The following GRIK3 variants were observed in gnomAD, a reference collection of about 807,000 sequenced individuals.
GRIK3 encodes the protein glutamate ionotropic receptor kainate type subunit 3.
GRIK3 carries 29 observed loss-of-function variants against 102.5 expected under a neutral mutation model. The ratio of observed to expected loss-of-function variants is 0.28; its 90% confidence interval spans 0.21 to 0.39. The LOEUF (loss-of-function observed/expected upper bound fraction) is 0.39. Ranked by LOEUF, GRIK3 falls within the 10% of genes least tolerant of loss-of-function variation. The pLI is 1.00. For synonymous variants in GRIK3, 511 were observed against 504.9 expected, an observed-to-expected ratio of 1.01 and a Z score of -0.16; for missense variants, 908 against 1,252.4, an observed-to-expected ratio of 0.73 and a Z score of 4.15.
intron 2 of GRIK3, among the ~76,000 whole-genome samples, chr1:36,890,380 C>T (rs1641100450): frequency 6.6e-6 from 1 of 151,882 alleles, no homozygotes; most frequent in East Asian, 1.9e-4. Context: ...AGGAGAATTG[C>T]TTGAACCTGG....
intron 1 of GRIK3, among the ~76,000 whole-genome samples, chr1:36,935,793 T>TCGGAAAA (rs1204786599): frequency 6.6e-6 from 1 of 152,082 alleles, no homozygotes; most frequent in Non-Finnish European, 1.5e-5. Flanking sequence ...ACTCAAAGAA[T>TCGGAAAA]CGGAAAACTC....
chr1:37,000,010 GAACTT>G (rs1557458395), intron 1 of GRIK3, among the ~76,000 whole-genome samples: 2 of 152,094 alleles, frequency 1.3e-5, no homozygotes, highest in African/African-American at 4.8e-5. Flanking sequence ...AAAAAAAAGA[GAACTT>G]AATATTACTG....
At chr1:36,937,596 G>T (rs1310965974) in intron 1 of GRIK3, among the ~76,000 whole-genome samples, 1 of 152,130 alleles carries the variant, frequency 6.6e-6, no homozygotes, top group Non-Finnish European at 1.5e-5. Context: ...AATGATTACG[G>T]GCAGGGAGCA....
At chr1:36,802,969 G>C (rs2124174266) in intron 15 of GRIK3, among the ~76,000 whole-genome samples, 1 of 152,248 alleles carries the variant, frequency 6.6e-6, no homozygotes. Context: ...GCCAGGCACT[G>C]TTCCAGGTGT....
intron 1 of GRIK3, among the ~76,000 whole-genome samples, chr1:37,030,590 G>T (rs1003460261): frequency 7.9e-6 from 1 of 126,248 alleles, no homozygotes; most frequent in African/African-American, 3.1e-5. Context: ...CAGTCATTTG[G>T]CTTCAAACCT....
chr1:36,845,250 C>A (rs780398943), intron 9 of GRIK3, among the ~76,000 whole-genome samples: 1 of 152,212 alleles, frequency 6.6e-6, no homozygotes, highest in South Asian at 2.1e-4. Context: ...CAAGCTCTCT[C>A]GGCTGCTAAT....
chr1:36,900,750 T>C (rs1641224901), intron 1 of GRIK3, among the ~76,000 whole-genome samples: 1 of 152,054 alleles, frequency 6.6e-6, no homozygotes, highest in African/African-American at 2.4e-5. Context: ...TATAAAAATA[T>C]CAATGAAACC....
intron 1 of GRIK3, among the ~76,000 whole-genome samples, chr1:37,001,354 C>T (rs1324747767): frequency 1.3e-5 from 2 of 152,200 alleles, no homozygotes; most frequent in African/African-American, 4.8e-5. Context: ...TCAAATTTAA[C>T]AAGTTTATAT....
At chr1:37,012,599 C>A (rs573785573) in intron 1 of GRIK3, among the ~76,000 whole-genome samples, 1 of 152,106 alleles carries the variant, frequency 6.6e-6, no homozygotes, top group South Asian at 2.1e-4. Flanking sequence ...TTTACCAGGC[C>A]CTGAGCTAAG....
chr1:36,912,982 T>C (rs1447192468), intron 1 of GRIK3, among the ~76,000 whole-genome samples: 1 of 152,172 alleles, frequency 6.6e-6, no homozygotes, highest in Non-Finnish European at 1.5e-5. Flanking sequence ...AGGAGGACAC[T>C]AGCTCCTGCT....
chr1:36,818,784 C>T (rs1421351357), intron 12 of GRIK3, among the ~76,000 whole-genome samples: 1 of 152,230 alleles, frequency 6.6e-6, no homozygotes, highest in Non-Finnish European at 1.5e-5. Flanking sequence ...ACACAGATGA[C>T]TGAGGGACAA....
chr1:37,025,316 C>T (rs1642755389), intron 1 of GRIK3, among the ~76,000 whole-genome samples: 1 of 152,158 alleles, frequency 6.6e-6, no homozygotes, highest in African/African-American at 2.4e-5. Context: ...TGAGCGGCAT[C>T]ATCATGATCT....
Position 36,872,866 on chromosome 1 carries a change from G to A in GRIK3, c.551-497C>T, listed in dbSNP as rs1421382194. Among the ~76,000 whole-genome samples, 1 of 152,178 alleles carries A rather than the reference G, an allele frequency of 6.6e-6. No individual in the cohort carries two copies. Among genetic ancestry groups the A allele is most frequent in the Non-Finnish European group, 1.5e-5 (1 of 68,030 alleles). ...CAACATCTCCAGCGAGCTGCTTCCA[G>A]GATATGGGCACAAAAGGCAGCTCCA... is the stretch of plus-strand genomic sequence containing the variant. On this transcript the variant is annotated intron_variant, in intron 3 of 15. Coordinates refer to ENST00000373091, the MANE Select transcript of GRIK3 (RefSeq NM_000831.4). This position sits in a 1 kb window ranked among gnomAD's most constrained non-coding sequence, Gnocchi z 5.9.
At chr1:36,972,600 G>A (rs371295048) in intron 1 of GRIK3, among the ~76,000 whole-genome samples, 12 of 152,266 alleles carry the variant, frequency 7.9e-5, no homozygotes, top group African/African-American at 2.4e-4. Flanking sequence ...GCCAGGTTAC[G>A]TTCAGGGAGT....
chr1:36,894,066 C>A (rs1278065873), intron 1 of GRIK3, among the ~76,000 whole-genome samples: 1 of 152,150 alleles, frequency 6.6e-6, no homozygotes, highest in Non-Finnish European at 1.5e-5. Context: ...TTAAAGTGTA[C>A]AATGATTTTT....
Position 37,013,093 on chromosome 1 carries a change from A to G in GRIK3, c.115+20901T>C, listed in dbSNP as rs1234704994. On this transcript the variant is annotated intron_variant, in intron 1 of 15. Coordinates refer to ENST00000373091, the MANE Select transcript of GRIK3 (RefSeq NM_000831.4). The stretch of plus-strand genomic sequence containing the variant: ...AGGCCTCACAATCATGGCAGAAGGT[A>G]AAAGGCACGTCTTACATGGTGACAG... 6.6e-5 allele frequency among the ~76,000 whole-genome samples: 10 copies of G among 152,352 alleles called. 1 individual carries two copies. The East Asian group carries it at 1.9e-3, about 29-fold the overall frequency.
rs1477363215 is a variant in GRIK3 at position 36,859,230 on chromosome 1, C to T, written c.982G>A (p.Asp328Asn). The T allele has an allele frequency of 1.9e-6, 3 of 1,612,422 alleles. No individual in the cohort carries two copies. The highest frequency in any genetic ancestry group is 2.5e-6 in the Non-Finnish European group (3 of 1,178,762). The change falls in exon 7 of 16, where the codon GAC (aspartate) becomes AAC (asparagine). Residue 328 changes from aspartate to asparagine, a missense_variant. Asp to Asn is a conservative substitution (Grantham distance 23). Coordinates refer to ENST00000373091, the MANE Select transcript of GRIK3 (RefSeq NM_000831.4). ...VMMTDAALLYDAVHIVSVCYQ... is the reference protein window; with the variant it reads ...VMMTDAALLYNAVHIVSVCYQ... ...CACACGGACACGATATGGACGGCGT[C>T]GTACAGTAAGGCTGCATCAGTCTGC...
intron 8 of GRIK3, among the ~76,000 whole-genome samples, chr1:36,851,370 G>A (rs1156676350): frequency 6.6e-6 from 1 of 152,246 alleles, no homozygotes; most frequent in Non-Finnish European, 1.5e-5. Flanking sequence ...CTGTGTTTGG[G>A]AGCTCAGCAT....
chr1:36,981,671 G>A (rs962195905), intron 1 of GRIK3, among the ~76,000 whole-genome samples: 8 of 151,322 alleles, frequency 5.3e-5, no homozygotes, highest in Admixed American at 1.3e-4. Context: ...TGTTCCTCCA[G>A]GAGGGCCAGG....
Sources: allele counts gnomAD v4.1 joint callset (sites outside exome capture counted in the v4.1 genomes callset), GRCh38; gene constraint gnomAD v4.1.1; non-coding constraint Gnocchi (gnomAD v3.1); transcripts MANE v1.5; gene names NCBI Gene and HGNC (gene_info 2026-07-23, HGNC 2026-07-21).